TAF4B: variants seen among roughly 807,000 people sequenced by gnomAD.
TAF4B encodes the protein transcription initiation factor TFIID subunit 4B.
In TAF4B, 38 loss-of-function variants were observed where a neutral mutation model predicts 86.4. The ratio of observed to expected loss-of-function variants is 0.44; its 90% CI spans 0.34 to 0.58. The LOEUF is 0.58. TAF4B is among the 20% of genes least tolerant of loss of function. The pLI is 0.02. For missense variants in TAF4B, 988 were observed against 1,027.6 expected (o/e 0.96, Z 0.53); for synonymous variants, 388 against 391.2 (o/e 0.99, Z 0.10).
chr18:26,293,955 G>T (rs1033465213), intron 9 of TAF4B, among the ~76,000 whole-genome samples: 2 of 152,120 alleles, frequency 1.3e-5, no homozygotes, highest in African/African-American at 4.8e-5. Context: ...TAGAGCATCT[G>T]TGTCATTTGG....
chr18:26,283,224 C>CT (rs2056471364), intron 6 of TAF4B, among the ~76,000 whole-genome samples: 1 of 152,130 alleles, frequency 6.6e-6, no homozygotes, highest in African/African-American at 2.4e-5. Flanking sequence ...TCAGAGGAAT[C>CT]ACTGTCTATG....
At chr18:26,354,771 C>G (rs893431703) in intron 13 of TAF4B, among the ~76,000 whole-genome samples, 1 of 152,174 alleles carries the variant, frequency 6.6e-6, no homozygotes, top group African/African-American at 2.4e-5. Context: ...GTGTCTGTCC[C>G]TTTACCAGTA....
chr18:26,327,768 T>G (rs1030304201), intron 12 of TAF4B, among the ~76,000 whole-genome samples: 1 of 152,186 alleles, frequency 6.6e-6, no homozygotes, highest in Non-Finnish European at 1.5e-5. Flanking sequence ...TGTTTTTTAG[T>G]AGAGACAGGG....
intron 1 of TAF4B, among the ~76,000 whole-genome samples, chr18:26,261,738 C>G (rs1273505731): frequency 5.3e-5 from 8 of 152,050 alleles, no homozygotes; most frequent in African/African-American, 1.7e-4. Context: ...CAAGGAGGAC[C>G]CTTCTTAGTT....
chr18:26,244,884 C>G (rs1376193808), intron 1 of TAF4B, among the ~76,000 whole-genome samples: 1 of 152,180 alleles, frequency 6.6e-6, no homozygotes, highest in Non-Finnish European at 1.5e-5. Context: ...ATGGGTGAGT[C>G]TCGCTTGGGC....
intron 1 of TAF4B, among the ~76,000 whole-genome samples, chr18:26,237,269 C>T (rs909345542): frequency 5.3e-5 from 8 of 152,194 alleles, no homozygotes; most frequent in Admixed American, 3.3e-4. Context: ...CATTAAAGGC[C>T]AGGGTTTGAT....
At chr18:26,233,914 A>G (rs2055709593) in intron 1 of TAF4B, among the ~76,000 whole-genome samples, 1 of 152,200 alleles carries the variant, frequency 6.6e-6, no homozygotes, top group African/African-American at 2.4e-5. Context: ...GGCACACTTC[A>G]CAGGTTTTGA....
chr18:26,234,380 G>T (rs776514265), intron 1 of TAF4B, among the ~76,000 whole-genome samples: 3 of 152,222 alleles, frequency 2.0e-5, no homozygotes, highest in Non-Finnish European at 2.9e-5. Flanking sequence ...TTTAATGGGG[G>T]TTCTCCCAGA....
At chr18:26,341,119 C>T (rs1428169340) in intron 13 of TAF4B, among the ~76,000 whole-genome samples, 1 of 151,928 alleles carries the variant, frequency 6.6e-6, no homozygotes, top group Non-Finnish European at 1.5e-5. Context: ...TAGCATTGAA[C>T]TGGAAGTAAA....
At chr18:26,298,775 C>T (rs1360894364) in intron 9 of TAF4B, among the ~76,000 whole-genome samples, 3 of 150,566 alleles carry the variant, frequency 2.0e-5, no homozygotes, top group Non-Finnish European at 2.9e-5. Context: ...GAACTCCTGG[C>T]CTCATGAGAT....
chr18:26,226,827 A>G lies in TAF4B; in HGVS notation c.-107A>G, dbSNP rs2055582007. The G allele has an allele frequency of 1.0e-5, 9 of 901,086 alleles. No individual in the cohort carries two copies. The highest frequency in any genetic ancestry group is 1.2e-5 in the Non-Finnish European group (8 of 662,914). The allele number at this position is 901,086 out of a possible 1,614,324, so 55.8% of individuals were successfully genotyped here. On this transcript the variant is annotated 5_prime_UTR_variant, in exon 1 of 15. An upstream start codon of the reference 5' UTR is lost. Transcript: ENST00000269142. ...GCGGCCCCCGCGCCTCTCCCCAGCGATGCTGTGGAACCCGAACCGCACCGG... is the reference window on the plus strand; with the variant it reads ...GCGGCCCCCGCGCCTCTCCCCAGCGGTGCTGTGGAACCCGAACCGCACCGG...
At chr18:26,310,345 C>T (rs894203029) in intron 9 of TAF4B, among the ~76,000 whole-genome samples, 3 of 152,144 alleles carry the variant, frequency 2.0e-5, no homozygotes, top group Admixed American at 6.5e-5. Flanking sequence ...GACATTGAGA[C>T]CTGCATTTTA....
At chr18:26,315,194 A>ACACACACACACACAC (rs763019564) in intron 9 of TAF4B, 35 bp from the exon 10 acceptor site, 2 of 1,145,476 alleles carry the variant, frequency 1.7e-6, no homozygotes, top group African/African-American at 5.2e-5. Flanking sequence ...CACACACACA[A>ACACACACACACACAC]CCTAAAATGT....
rs1459291634 is a variant in TAF4B, at chr18:26,265,287, C to T, written c.461C>T (p.Pro154Leu). The stretch of plus-strand genomic sequence containing the variant: ...TCAAGGCCAGCAGTACCAGCGAATC[C>T]TCAAACAGTCAAAATCTGTACAGTG... Reference protein sequence around the residue: ...ITSRPAVPANPQTVKICTVPN... With the variant: ...ITSRPAVPANLQTVKICTVPN... Residue 154 changes from proline to leucine, a missense_variant, in exon 2 of 15, where the codon CCT (proline) becomes CTT (leucine). Around this residue, in one of 3 missense-constraint regions of TAF4B, gnomAD observed 747 missense variants for 737.9 expected, o/e 1.01. Coordinates refer to ENST00000269142, the MANE Select transcript of TAF4B (RefSeq NM_005640.3). 18 of 1,613,500 alleles carry T rather than the reference C, an allele frequency of 1.1e-5. No homozygotes were observed. Among genetic ancestry groups the T allele is most frequent in the Admixed American group, 1.7e-5 (1 of 59,876 alleles).
At chr18:26,329,286 G>A (rs72881803) in intron 12 of TAF4B, among the ~76,000 whole-genome samples, 6,632 of 151,914 alleles carry the variant, frequency 0.044, 200 homozygotes, top group Non-Finnish European at 0.061. Flanking sequence ...CAAATTCCTA[G>A]ACTCAAGCAG....
Position 26,343,592 on chromosome 18 carries a change from T to C in TAF4B, c.2316+8361T>C, listed in dbSNP as rs185167643. On this transcript the variant is annotated intron_variant, in intron 13 of 14. Coordinates refer to ENST00000269142, the MANE Select transcript of TAF4B (RefSeq NM_005640.3). ...TGCTAAAACAAAGGTATTAACATTC[T>C]CCAAAGGATTTCTAGAATACCCAGA... 1.8e-4 allele frequency among the ~76,000 whole-genome samples: 28 copies of C among 152,290 alleles called. No homozygotes were observed. The South Asian group carries it at 4.4e-3, about 24-fold the overall frequency.
chr18:26,270,489 T>C (rs1222465742), intron 3 of TAF4B, among the ~76,000 whole-genome samples: 1 of 152,210 alleles, frequency 6.6e-6, no homozygotes, highest in Non-Finnish European at 1.5e-5. Flanking sequence ...ATTACTTTAT[T>C]TAAAAAATAG....
At chr18:26,285,210 C>CTTTCCTTTTTTTTTT (rs2056496143) in intron 6 of TAF4B, among the ~76,000 whole-genome samples, 3 of 42,514 alleles carry the variant, frequency 7.1e-5, no homozygotes, top group East Asian at 9.7e-4. Flanking sequence ...TCTTCCTTTC[C>CTTTCCTTTTTTTTTT]TTTTTTTTTT....
At chr18:26,331,623 A>C (rs2057051389) in intron 12 of TAF4B, among the ~76,000 whole-genome samples, 1 of 152,136 alleles carries the variant, frequency 6.6e-6, no homozygotes, top group African/African-American at 2.4e-5. Context: ...CAGATGTTCA[A>C]GCTGAAAAAC....
Sources: allele counts gnomAD v4.1 joint callset (sites outside exome capture counted in the v4.1 genomes callset), GRCh38; gene constraint gnomAD v4.1.1; regional missense constraint gnomAD v4.1.1; transcripts MANE v1.5; gene names NCBI Gene and HGNC (gene_info 2026-07-23, HGNC 2026-07-21).